Variants in CA8 observed in about 807,000 individuals in gnomAD.
CA8 encodes the protein carbonic anhydrase-related protein.
A neutral mutation model predicts 41.4 loss-of-function variants in CA8; 22 were observed. The ratio of observed to expected loss-of-function variants is 0.53; its 90% CI spans 0.38 to 0.76. The LOEUF (loss-of-function observed/expected upper bound fraction) is 0.76. CA8 is among the 30% of genes least tolerant of loss of function. The pLI is 0.00. For synonymous variants in CA8, 121 were observed against 130.6 expected, an observed-to-expected ratio of 0.93 and a Z score of 0.50; for missense variants, 270 against 352.8, an observed-to-expected ratio of 0.77 and a Z score of 1.88.
intron 3 of CA8, among the ~76,000 whole-genome samples, chr8:60,252,604 C>T (rs1465772277): frequency 1.3e-5 from 2 of 152,152 alleles, no homozygotes; most frequent in African/African-American, 2.4e-5. Flanking sequence ...CCTCACCCTA[C>T]CTAGAGCTAA....
Position 60,268,761 on chromosome 8 carries a change from T to C in CA8, c.293-2712A>G, listed in dbSNP as rs555711651. 6.5e-4 allele frequency among the ~76,000 whole-genome samples: 99 copies of C among 152,280 alleles called. 1 individual carries two copies. In the South Asian group the frequency reaches 0.015, roughly 22 times the overall value. On this transcript the variant is annotated intron_variant, in intron 2 of 8. Transcript: ENST00000317995. ...CTGGCCTTGTAGATCTTACATTCTA[T>C]TATCCTGAAGTGTAAATTCATATAT...
At chr8:60,280,162 T>C (rs7018024) in intron 1 of CA8, among the ~76,000 whole-genome samples, 2,984 of 152,292 alleles carry the variant, frequency 0.02, 84 homozygotes, top group African/African-American at 0.066. Context: ...TTTGGGTCAT[T>C]TTTAAGTGAT....
chr8:60,267,398 C>G (rs1803936442), intron 2 of CA8, among the ~76,000 whole-genome samples: 1 of 152,208 alleles, frequency 6.6e-6, no homozygotes, highest in South Asian at 2.1e-4. Flanking sequence ...CAAGAAGTAA[C>G]TTTAATTTTT....
At chr8:60,272,203 A>T (rs1484264177) in intron 2 of CA8, among the ~76,000 whole-genome samples, 2 of 152,038 alleles carry the variant, frequency 1.3e-5, no homozygotes, top group Admixed American at 6.5e-5. Context: ...CATTCTGTAG[A>T]TTGCATCGCA....
At chr8:60,272,771 T>C (rs1052278238) in intron 2 of CA8, among the ~76,000 whole-genome samples, 1 of 152,236 alleles carries the variant, frequency 6.6e-6, no homozygotes, top group Non-Finnish European at 1.5e-5. Flanking sequence ...AGGCTTTGGA[T>C]CTGATTTATA....
chr8:60,251,272 CTT>C, intron 3 of CA8, among the ~76,000 whole-genome samples: 1 of 152,348 alleles, frequency 6.6e-6, no homozygotes, highest in South Asian at 2.1e-4. Flanking sequence ...TCTCTGTCCT[CTT>C]TACATCCTCA....
rs953662564 is a variant in CA8, at chr8:60,263,176, A to G, written c.417+2749T>C. 2.0e-5 allele frequency among the ~76,000 whole-genome samples: 3 copies of G among 149,918 alleles called. No individual in the cohort carries two copies. In the East Asian group the frequency reaches 5.8e-4, roughly 29 times the overall value. On this transcript the variant is annotated intron_variant, in intron 3 of 8. Coordinates refer to ENST00000317995, the MANE Select transcript of CA8 (RefSeq NM_004056.6). ...GTCAACATGGTGAACTACAAAATTT[A>G]GCCTGGTGTGCTGGCATGCACCTAT... is the stretch of plus-strand genomic sequence containing the variant.
At chr8:60,202,213 T>C (rs1489216084) in intron 8 of CA8, among the ~76,000 whole-genome samples, 1 of 151,204 alleles carries the variant, frequency 6.6e-6, no homozygotes, top group Non-Finnish European at 1.5e-5. Context: ...CCAGCTAATT[T>C]TTTTTTTTTT....
chr8:60,240,610 T>C (rs1807989502), intron 3 of CA8, among the ~76,000 whole-genome samples: 1 of 152,220 alleles, frequency 6.6e-6, no homozygotes, highest in Admixed American at 6.5e-5. Context: ...CAATGTATAG[T>C]CATTAAGAAC....
rs1395392102 is a variant in CA8 at position 60,188,282 on chromosome 8, A to G, written c.*1739T>C. The G allele has an allele frequency of 2.0e-5, 3 of 152,164 alleles. No individual in the cohort carries two copies. The highest frequency in any genetic ancestry group is 7.2e-5 in the African/African-American group (3 of 41,440). 9.4% of individuals were successfully genotyped at this position (152,164 alleles called of 1,614,324 possible). A position where few individuals can be genotyped will look rare whatever the true frequency, so the allele number is the denominator to read the frequency against. On this transcript the variant is annotated 3_prime_UTR_variant, in exon 9 of 9. Transcript: ENST00000317995. The stretch of plus-strand genomic sequence containing the variant: ...TGTATTTGTTTATTTTGTGTATTTC[A>G]GGGAAAGATGAAAGAAGATTGCAAG...
intron 8 of CA8, among the ~76,000 whole-genome samples, chr8:60,195,274 A>T (rs147638095): frequency 3.7e-4 from 56 of 152,340 alleles, no homozygotes; most frequent in African/African-American, 1.1e-3. Flanking sequence ...GCCATCTTTC[A>T]CATGACTTTT....
intron 7 of CA8, among the ~76,000 whole-genome samples, chr8:60,215,807 G>T (rs1014416178): frequency 6.6e-6 from 1 of 152,020 alleles, no homozygotes; most frequent in African/African-American, 2.4e-5. Flanking sequence ...TTCAGCTGAA[G>T]TCTACACCTC....
intron 3 of CA8, among the ~76,000 whole-genome samples, chr8:60,255,220 T>A (rs553169112): frequency 3.6e-4 from 55 of 152,286 alleles, no homozygotes; most frequent in African/African-American, 1.2e-3. Context: ...AGCAGACTCA[T>A]AAATCCTACC....
intron 3 of CA8, among the ~76,000 whole-genome samples, chr8:60,249,550 T>C (rs940478662): frequency 6.6e-6 from 1 of 152,208 alleles, no homozygotes; most frequent in Non-Finnish European, 1.5e-5. Flanking sequence ...AAATGTTGGC[T>C]TCTGACAGAA....
At chr8:60,220,882 T>C (rs886513614) in intron 7 of CA8, among the ~76,000 whole-genome samples, 1 of 152,200 alleles carries the variant, frequency 6.6e-6, no homozygotes, top group African/African-American at 2.4e-5. Context: ...CCTGTTGAGA[T>C]CCTTCGCCCT....
intron 3 of CA8, among the ~76,000 whole-genome samples, chr8:60,256,175 G>A (rs1027239956): frequency 6.6e-6 from 1 of 152,148 alleles, no homozygotes; most frequent in Non-Finnish European, 1.5e-5. Flanking sequence ...CTCCCAAAAT[G>A]CTAGGATTAC....
At chr8:60,234,694 C>T (rs1313982828) in intron 3 of CA8, among the ~76,000 whole-genome samples, 6 of 152,298 alleles carry the variant, frequency 3.9e-5, no homozygotes, top group Non-Finnish European at 8.8e-5. Context: ...GCAACAGCAG[C>T]TCTCCCACGC....
In CA8 at chr8:60,187,585, C is replaced by T. The variant is rs1805999873; in HGVS notation, c.*2436G>A. ...GAAAAAAATCAATAAAATTGACAAG[C>T]CTTCAGCTAAACTAACCAACAAAAA... On this transcript the variant is annotated 3_prime_UTR_variant, in exon 9 of 9. Transcript: ENST00000317995. 1 of 152,048 alleles carries T rather than the reference C, an allele frequency of 6.6e-6. No homozygotes were observed. 9.4% of individuals were successfully genotyped at this position (152,048 alleles called of 1,614,324 possible).
rs187982581 is a variant in CA8 at position 60,208,597 on chromosome 8, A to G, written c.*35+153T>C. 28 of 675,706 alleles carry G rather than the reference A, an allele frequency of 4.1e-5. No homozygotes were observed. In the East Asian group the frequency reaches 7.3e-4, roughly 18 times the overall value. The allele number at this position is 675,706 out of a possible 1,614,324, so 41.9% of individuals were successfully genotyped here. A position where few individuals can be genotyped will look rare whatever the true frequency, so the allele number is the denominator to read the frequency against. The stretch of plus-strand genomic sequence containing the variant: ...AAATTAAAATACCTACTTGACCTGT[A>G]ATTAACAGAGCTCAAGAATGTGTCA... On this transcript the variant is annotated intron_variant, in intron 8 of 8. Coordinates refer to ENST00000317995, the MANE Select transcript of CA8 (RefSeq NM_004056.6).
Sources: gnomAD v4.1 joint callset for allele counts (sites outside exome capture counted in the v4.1 genomes callset) on GRCh38, gnomAD v4.1.1 for gene constraint, MANE v1.5 for transcripts, NCBI Gene and HGNC (gene_info 2026-07-23, HGNC 2026-07-21) for gene names.